The following DCHS2 variants were observed in gnomAD, a reference collection of about 807,000 sequenced individuals.
DCHS2 encodes the protein dachsous cadherin-related 2, also known as protocadherin-23.
Under a neutral mutation model 182.4 loss-of-function variants are expected in DCHS2, and 142 were observed. The ratio of observed to expected loss-of-function variants is 0.78; its 90% CI spans 0.68 to 0.89. The LOEUF (loss-of-function observed/expected upper bound fraction) is 0.89. Ranked by LOEUF, DCHS2 falls within the 40% of genes least tolerant of loss-of-function variation. The pLI, the probability that DCHS2 is intolerant of heterozygous loss-of-function variation, is 0.00. For missense variants in DCHS2, 4,319 were observed against 4,198.6 expected, an observed-to-expected ratio of 1.03 and a Z score of -0.79; for synonymous variants, 1,740 against 1,663.3, an observed-to-expected ratio of 1.05 and a Z score of -1.12.
intron 2 of DCHS2, among the ~76,000 whole-genome samples, chr4:154,375,341 G>A (rs184537782): frequency 6.6e-6 from 1 of 151,994 alleles, no homozygotes; most frequent in South Asian, 2.1e-4. Flanking sequence ...CTATTATAAT[G>A]AAGAACTTCT....
In DCHS2 at chr4:154,491,749, C is replaced by T. The variant is rs1728845370; in HGVS notation, c.-394G>A. The stretch of plus-strand genomic sequence containing the variant: ...CCAAAAAGGAGGAGATTATATGAAG[C>T]GCGCACACACAAGGAGAGGATGGGG... On this transcript the variant is annotated 5_prime_UTR_variant, in exon 1 of 20. Coordinates refer to ENST00000357232, the MANE Select transcript of DCHS2 (RefSeq NM_001358235.2). 2 of 1,011,754 alleles carry T rather than the reference C, an allele frequency of 2.0e-6. No homozygotes were observed. The highest frequency in any genetic ancestry group is 5.9e-5 in the Admixed American group (1 of 17,082). The allele number at this position is 1,011,754 out of a possible 1,614,324, so 62.7% of individuals were successfully genotyped here. A position where few individuals can be genotyped will look rare whatever the true frequency, so the allele number is the denominator to read the frequency against.
chr4:154,305,020 C>T (rs949328910), intron 11 of DCHS2, 77 bp downstream of exon 11: 7 of 1,505,736 alleles, frequency 4.6e-6, no homozygotes, highest in Non-Finnish European at 6.2e-6. Context: ...CAAAATATAA[C>T]ATTTCACCAC....
At chr4:154,275,809 T>C (rs116565722) in intron 13 of DCHS2, among the ~76,000 whole-genome samples, 2,160 of 152,240 alleles carry the variant, frequency 0.014, 23 homozygotes, top group South Asian at 0.027. Context: ...TAGTGACTGC[T>C]TGCATAGAAA....
intron 1 of DCHS2, chr4:154,384,291 T>C: frequency 1.3e-6 from 2 of 1,559,226 alleles, no homozygotes; most frequent in South Asian, 1.2e-5. Context: ...AGCTAGTCAT[T>C]GCCTCCTTAT....
intron 3 of DCHS2, among the ~76,000 whole-genome samples, chr4:154,339,486 G>C (rs557289684): frequency 6.0e-4 from 89 of 147,922 alleles, no homozygotes; most frequent in African/African-American, 1.9e-3. Context: ...GTCTCACTCT[G>C]TTGCCCAGGC....
In DCHS2 at chr4:154,307,434, T is replaced by TGC. The variant is rs201899788; in HGVS notation, c.5261-2205_5261-2204dup. On this transcript the variant is annotated intron_variant, in intron 10 of 19. Coordinates refer to ENST00000357232, the MANE Select transcript of DCHS2 (RefSeq NM_001358235.2). ...GTGTGAATACACACATACACAGATG[T>TGC]GCGCGCGCACACACACACACACACA... is the stretch of plus-strand genomic sequence containing the variant. Among the ~76,000 whole-genome samples, 751 of 95,524 alleles carry TGC rather than the reference T, an allele frequency of 7.9e-3. 10 individuals are homozygous for TGC. The highest frequency in any genetic ancestry group is 0.022 in the African/African-American group (716 of 32,754). The allele number at this position is 95,524 out of a possible 152,430, so 62.7% of individuals were successfully genotyped here. A position where few individuals can be genotyped will look rare whatever the true frequency, so the allele number is the denominator to read the frequency against.
At chr4:154,301,535 C>T (rs998072509) in intron 12 of DCHS2, among the ~76,000 whole-genome samples, 4 of 151,858 alleles carry the variant, frequency 2.6e-5, no homozygotes, top group African/African-American at 7.3e-5. Flanking sequence ...GACAGAGTTT[C>T]GTTCTTGTTG....
At chr4:154,356,794 A>T (rs1579003092) in intron 3 of DCHS2, among the ~76,000 whole-genome samples, 1 of 152,298 alleles carries the variant, frequency 6.6e-6, no homozygotes. Context: ...ATGTTCACAC[A>T]ACAACGAAAT....
At chr4:154,242,608 A>G (rs764855245) in intron 17 of DCHS2, 34 bp downstream of exon 17, 11 of 1,600,076 alleles carry the variant, frequency 6.9e-6, no homozygotes, top group Admixed American at 1.7e-5. Flanking sequence ...TATACAAGTT[A>G]ATCAAAACCA....
chr4:154,452,279 T>C (rs1734565354), intron 1 of DCHS2, among the ~76,000 whole-genome samples: 6 of 152,206 alleles, frequency 3.9e-5, no homozygotes, highest in Admixed American at 2.0e-4. Context: ...CAAATATTCA[T>C]TTGTCAATCT....
In DCHS2 at chr4:154,240,584, G is replaced by C. The variant is rs762883642; in HGVS notation, c.7312C>G (p.Leu2438Val). The change falls in exon 18 of 20, where the codon CTG becomes GTG. Residue 2438 changes from leucine (L) to valine (V), a missense_variant. Physicochemically the swap from Leu to Val is conservative, Grantham distance 32 (BLOSUM62 1). Transcript: ENST00000357232. ...YTEGALVVRV[L>V]DVNDNPPVFS... Reference sequence around the variant, plus strand: ...ACTGGTGGATTATCATTGACATCCAGCACACGGACTACAAGTGCTCCCTCT... The same window carrying C: ...ACTGGTGGATTATCATTGACATCCACCACACGGACTACAAGTGCTCCCTCT... 1.2e-6 allele frequency: 2 copies of C among 1,613,826 alleles called. No individual in the cohort carries two copies. The highest frequency in any genetic ancestry group is 1.7e-6 in the Non-Finnish European group (2 of 1,179,866).
At chr4:154,359,154 T>A (rs1273664940) in intron 3 of DCHS2, among the ~76,000 whole-genome samples, 1 of 152,006 alleles carries the variant, frequency 6.6e-6, no homozygotes, top group Non-Finnish European at 1.5e-5. Context: ...ATTAATTAAC[T>A]TACAGAGCAC....
intron 3 of DCHS2, among the ~76,000 whole-genome samples, chr4:154,342,098 G>T (rs564711599): frequency 1.3e-5 from 2 of 151,978 alleles, no homozygotes; most frequent in African/African-American, 4.8e-5. Flanking sequence ...GAAATTTTTT[G>T]ATTTTCCAGT....
intron 13 of DCHS2, among the ~76,000 whole-genome samples, chr4:154,278,702 G>A (rs947305815): frequency 3.3e-5 from 5 of 151,942 alleles, no homozygotes; most frequent in African/African-American, 1.2e-4. Flanking sequence ...AGCAGAGACA[G>A]TAGAGATCAG....
intron 1 of DCHS2, among the ~76,000 whole-genome samples, chr4:154,486,255 A>T (rs4346631): frequency 0.7 from 105,894 of 152,050 alleles, 37,989 homozygotes; most frequent in East Asian, 0.99. Flanking sequence ...AGGTCTCGTC[A>T]GGGCATGAGA....
chr4:154,290,314 A>G (rs978205180), intron 13 of DCHS2, among the ~76,000 whole-genome samples: 1 of 152,108 alleles, frequency 6.6e-6, no homozygotes, highest in Non-Finnish European at 1.5e-5. Context: ...AAAGGAAAAG[A>G]TATTCCATGT....
At chr4:154,457,002 A>C (rs1037848517) in intron 1 of DCHS2, among the ~76,000 whole-genome samples, 31 of 152,194 alleles carry the variant, frequency 2.0e-4, no homozygotes, top group African/African-American at 7.5e-4. Flanking sequence ...ACTGCAACCC[A>C]CTAGAGTATG....
intron 19 of DCHS2, 77 bp from the exon 20 acceptor site, chr4:154,237,236 A>C: frequency 1.4e-6 from 2 of 1,477,556 alleles, no homozygotes; most frequent in Non-Finnish European, 1.8e-6. Context: ...TTGACTATCC[A>C]ATGTCTACTA....
chr4:154,347,065 G>A (rs748710607), intron 3 of DCHS2, among the ~76,000 whole-genome samples: 4 of 151,374 alleles, frequency 2.6e-5, no homozygotes, highest in African/African-American at 9.8e-5. Context: ...TTTAAAATAC[G>A]AGTCTCCCTC....
Sources: gnomAD v4.1 joint callset for allele counts (sites outside exome capture counted in the v4.1 genomes callset) on GRCh38, gnomAD v4.1.1 for gene constraint, MANE v1.5 for transcripts, NCBI Gene and HGNC (gene_info 2026-07-23, HGNC 2026-07-21) for gene names.